Variants in IQCM observed in about 807,000 individuals in gnomAD.
IQCM encodes IQ motif containing M.
In IQCM, 45 loss-of-function variants were observed where a neutral mutation model predicts 57.6. The ratio of observed to expected loss-of-function variants is 0.78; its 90% confidence interval spans 0.62 to 1.00. IQCM has a LOEUF of 1.00. IQCM is among the 50% of genes least tolerant of loss of function. The pLI is 0.00. For synonymous variants in IQCM, 148 were observed against 158.9 expected, an observed-to-expected ratio of 0.93 and a Z score of 0.51; for missense variants, 468 against 511.6, an observed-to-expected ratio of 0.91 and a Z score of 0.82.
At chr4:149,791,299 A>T (rs565571743) in intron 2 of IQCM, among the ~76,000 whole-genome samples, 1 of 152,222 alleles carries the variant, frequency 6.6e-6, no homozygotes, top group East Asian at 1.9e-4. Flanking sequence ...ATTATTATAG[A>T]TGCATAATAG....
intron 12 of IQCM, among the ~76,000 whole-genome samples, chr4:149,457,775 T>G (rs1303169273): frequency 6.6e-6 from 1 of 152,072 alleles, no homozygotes; most frequent in Non-Finnish European, 1.5e-5. Context: ...CTGTTTTCTG[T>G]AACTGTAACA....
chr4:149,390,245 T>C (rs1286950489), intron 13 of IQCM, among the ~76,000 whole-genome samples: 4 of 152,048 alleles, frequency 2.6e-5, no homozygotes, highest in African/African-American at 9.7e-5. Flanking sequence ...TTCCTTAATT[T>C]TGTTGTTTAA....
intron 12 of IQCM, among the ~76,000 whole-genome samples, chr4:149,442,542 C>G (rs1478086820): frequency 1.3e-5 from 2 of 152,088 alleles, no homozygotes; most frequent in East Asian, 3.9e-4. Flanking sequence ...GGACATTATT[C>G]CACTAATTAA....
intron 13 of IQCM, among the ~76,000 whole-genome samples, chr4:149,353,864 A>G (rs1485731725): frequency 6.6e-6 from 1 of 152,124 alleles, no homozygotes; most frequent in East Asian, 1.9e-4. Context: ...CTAATGCTCA[A>G]CCTGAGGACC....
At chr4:149,444,511 T>G (rs897206617) in intron 12 of IQCM, among the ~76,000 whole-genome samples, 1 of 151,914 alleles carries the variant, frequency 6.6e-6, no homozygotes, top group African/African-American at 2.4e-5. Context: ...ATTAATTGCT[T>G]GAATAAAGAT....
At chr4:149,423,278 G>A (rs1342829921) in intron 13 of IQCM, among the ~76,000 whole-genome samples, 1 of 151,922 alleles carries the variant, frequency 6.6e-6, no homozygotes, top group Non-Finnish European at 1.5e-5. Context: ...AAAGAGCAGG[G>A]GAAACAGCCA....
intron 9 of IQCM, among the ~76,000 whole-genome samples, chr4:149,576,298 C>G (rs1400466362): frequency 6.6e-6 from 1 of 151,734 alleles, no homozygotes; most frequent in Non-Finnish European, 1.5e-5. Flanking sequence ...TCCTCACCCT[C>G]CTCCCACTCT....
At chr4:149,577,792 G>C (rs1751804463) in intron 9 of IQCM, among the ~76,000 whole-genome samples, 1 of 151,886 alleles carries the variant, frequency 6.6e-6, no homozygotes, top group Non-Finnish European at 1.5e-5. Context: ...GATAGGACTA[G>C]CATTAAATCT....
intron 12 of IQCM, among the ~76,000 whole-genome samples, chr4:149,460,670 G>A (rs1738175545): frequency 6.6e-6 from 1 of 152,050 alleles, no homozygotes; most frequent in Non-Finnish European, 1.5e-5. Context: ...AGGAAGATCA[G>A]AAGGAAGAAA....
intron 8 of IQCM, among the ~76,000 whole-genome samples, chr4:149,595,917 A>C (rs537340100): frequency 6.6e-6 from 1 of 152,300 alleles, no homozygotes; most frequent in African/African-American, 2.4e-5. Flanking sequence ...AAGGTATCCT[A>C]AAGATAATGC....
chr4:149,577,925 T>C (rs1322735778), intron 9 of IQCM, among the ~76,000 whole-genome samples: 1 of 151,828 alleles, frequency 6.6e-6, no homozygotes, highest in Admixed American at 6.6e-5. Context: ...ATTCTCATTG[T>C]AGAGATCTTT....
chr4:149,415,852 A>G (rs1733708756), intron 13 of IQCM, among the ~76,000 whole-genome samples: 2 of 151,984 alleles, frequency 1.3e-5, no homozygotes, highest in Admixed American at 1.3e-4. Flanking sequence ...AAAGCCTGCT[A>G]GTACACACTT....
At chr4:149,595,663 C>T (rs1579630721) in intron 8 of IQCM, among the ~76,000 whole-genome samples, 3 of 152,254 alleles carry the variant, frequency 2.0e-5, no homozygotes, top group Middle Eastern at 3.4e-3. Flanking sequence ...ATGTCAATCA[C>T]TTGCACACAT....
chr4:149,718,405 T>C (rs1165215549), intron 5 of IQCM, among the ~76,000 whole-genome samples: 1 of 152,216 alleles, frequency 6.6e-6, no homozygotes, highest in Non-Finnish European at 1.5e-5. Context: ...ACACAGTATC[T>C]GGTTCAAGTA....
intron 5 of IQCM, among the ~76,000 whole-genome samples, chr4:149,700,335 C>T (rs897120329): frequency 3.3e-5 from 5 of 151,976 alleles, no homozygotes; most frequent in Non-Finnish European, 5.9e-5. Context: ...AATTGTTCTC[C>T]AAGCTTTGAG....
intron 11 of IQCM, 27 bp from the exon 12 acceptor site, chr4:149,548,616 A>C: frequency 8.8e-7 from 1 of 1,141,056 alleles, no homozygotes; most frequent in Non-Finnish European, 1.1e-6. Flanking sequence ...GTAAAAGAAA[A>C]TATTTTTTTA....
intron 12 of IQCM, among the ~76,000 whole-genome samples, chr4:149,518,028 T>TCTC (rs1745167968): frequency 6.6e-6 from 1 of 152,212 alleles, no homozygotes; most frequent in Non-Finnish European, 1.5e-5. Flanking sequence ...CTAGTTGAGG[T>TCTC]ATGTTGTTAT....
chr4:149,547,467 G>A (rs1402824701), intron 12 of IQCM, among the ~76,000 whole-genome samples: 2 of 152,164 alleles, frequency 1.3e-5, no homozygotes, highest in African/African-American at 4.8e-5. Context: ...AGAGTTGGAT[G>A]GCAGTTGCCA....
At chr4:149,363,814 T>G (rs1729654424) in intron 13 of IQCM, among the ~76,000 whole-genome samples, 1 of 152,182 alleles carries the variant, frequency 6.6e-6, no homozygotes, top group South Asian at 2.1e-4. Context: ...TAAATTGAAG[T>G]GAATAAATTT....
Sources: allele counts gnomAD v4.1 joint callset (sites outside exome capture counted in the v4.1 genomes callset), GRCh38; gene constraint gnomAD v4.1.1; transcripts MANE v1.5; gene names NCBI Gene and HGNC (gene_info 2026-07-23, HGNC 2026-07-21).